Variants in DHRS4L2 observed in about 807,000 individuals in gnomAD.
The protein encoded by DHRS4L2 is dehydrogenase/reductase SDR family member 4-like 2.
In DHRS4L2, 22 loss-of-function variants were observed where a neutral mutation model predicts 23.9. The observed-to-expected ratio is 0.92, with a 90% CI of 0.66 to 1.31. The LOEUF is 1.31. Among genes scored for constraint, DHRS4L2 ranks in the 40% most tolerant of loss-of-function variants. The probability of loss-of-function intolerance (pLI) is 0.00; values close to 1 mark genes in which losing one functional copy is unlikely to be tolerated. For missense variants in DHRS4L2, 385 were observed against 303.3 expected (o/e 1.27, Z -2.00); for synonymous variants, 141 against 123.7 (o/e 1.14, Z -0.93).
At position 23,972,142 on chromosome 14, in the gene DHRS4L2, G is replaced by A. The variant is rs140555597; in HGVS notation, c.-176+1810G>A. 2.6e-5 allele frequency among the ~76,000 whole-genome samples: 4 copies of A among 152,176 alleles called. No individual in the cohort carries two copies. The East Asian group carries it at 7.7e-4, about 29-fold the overall frequency. ...ATGAAGGTATGTCTGGAATTGGTGG[G>A]TTCTTGGTCTCACTGACTTCAAGAA... is the stretch of plus-strand genomic sequence containing the variant. On this transcript the variant is annotated intron_variant, in intron 1 of 5. Coordinates refer to the DHRS4L2 transcript ENST00000534993.
At chr14:23,992,154 G>C (rs55664822) in intron 2 of DHRS4L2, among the ~76,000 whole-genome samples, 3,379 of 151,724 alleles carry the variant, frequency 0.022, 112 homozygotes, top group Middle Eastern at 0.055. Context: ...GAGAAAGATG[G>C]TTATTAGGAA....
chr14:23,996,577 G>A (rs1333770026), intron 3 of DHRS4L2, among the ~76,000 whole-genome samples: 1 of 150,152 alleles, frequency 6.7e-6, no homozygotes, highest in African/African-American at 2.4e-5. Context: ...ACTACCCAGA[G>A]ATTTGCTGCT....
At chr14:23,976,164 A>G (rs1052100362) in intron 1 of DHRS4L2, among the ~76,000 whole-genome samples, 4 of 151,882 alleles carry the variant, frequency 2.6e-5, no homozygotes, top group African/African-American at 7.3e-5. Flanking sequence ...ATCAGAGTGA[A>G]AAGGCAACCT....
intron 1 of DHRS4L2, among the ~76,000 whole-genome samples, chr14:23,989,592 G>C (rs61999797): frequency 0.022 from 3,379 of 151,522 alleles, 115 homozygotes; most frequent in Middle Eastern, 0.054. Flanking sequence ...CACCTCTCTT[G>C]TCAGTCCTGG....
At chr14:23,975,866 C>A (rs1350655200) in intron 1 of DHRS4L2, among the ~76,000 whole-genome samples, 2 of 151,686 alleles carry the variant, frequency 1.3e-5, no homozygotes, top group Non-Finnish European at 2.9e-5. Flanking sequence ...AAAGGATTCC[C>A]TATTTAATAA....
At chr14:23,973,216 A>G (rs1327004960) in intron 1 of DHRS4L2, among the ~76,000 whole-genome samples, 1 of 151,894 alleles carries the variant, frequency 6.6e-6, no homozygotes, top group Non-Finnish European at 1.5e-5. Context: ...AGACTATCAC[A>G]TGGGGAGAAA....
At chr14:23,997,715 G>A (rs2034409179) in intron 3 of DHRS4L2, among the ~76,000 whole-genome samples, 1 of 150,400 alleles carries the variant, frequency 6.6e-6, no homozygotes, top group Middle Eastern at 3.4e-3. Context: ...TCCGCTTCTA[G>A]TTCTCTTGCT....
chr14:24,001,178 G>C (rs2034481012), intron 5 of DHRS4L2, 94 bp downstream of exon 5: 2 of 1,604,616 alleles, frequency 1.2e-6, no homozygotes, highest in East Asian at 2.2e-5. Context: ...TCCCCTTGTA[G>C]AATCACACCA....
chr14:23,996,523 A>G (rs2034385428), intron 3 of DHRS4L2, among the ~76,000 whole-genome samples: 1 of 150,856 alleles, frequency 6.6e-6, no homozygotes, highest in African/African-American at 2.4e-5. Context: ...CTTAGGAACT[A>G]TCATCAAAAT....
At chr14:23,997,805 T>G (rs2034411025) in intron 3 of DHRS4L2, among the ~76,000 whole-genome samples, 1 of 151,716 alleles carries the variant, frequency 6.6e-6, no homozygotes, top group Admixed American at 6.6e-5. Context: ...GGAATCAACT[T>G]CTTCCAGACT....
intron 3 of DHRS4L2, among the ~76,000 whole-genome samples, chr14:23,996,529 A>G (rs201334476): frequency 0.21 from 27,915 of 134,604 alleles, 13 homozygotes; most frequent in African/African-American, 0.42. Context: ...AACTATCATC[A>G]AAATAACTTC....
intron 2 of DHRS4L2, among the ~76,000 whole-genome samples, chr14:23,992,502 A>G (rs1195902103): frequency 1.3e-5 from 2 of 151,358 alleles, no homozygotes; most frequent in African/African-American, 2.4e-5. Context: ...GATACTACCC[A>G]GTGGCCTCCT....
upstream of DHRS4L2, chr14:23,987,250 C>T (rs1437095571): frequency 3.5e-5 from 12 of 339,418 alleles, 1 homozygote; most frequent in Non-Finnish European, 5.9e-5. Context: ...CCTGCCTCAG[C>T]CTCCCGAGTA....
rs113351006 is a variant in DHRS4L2 at position 23,989,074 on chromosome 14, G to T, written c.127G>T (p.Gly43Trp). The change falls in exon 1 of 8, where the codon GGG (glycine) becomes TGG (tryptophan). Residue 43 changes from glycine to tryptophan, a missense_variant and splice_region_variant. Coordinates refer to ENST00000335125, the MANE Select transcript of DHRS4L2 (RefSeq NM_198083.4). ...GGCCCTGGTAACGGCCTCCACCGAC[G>T]GGTGAGTGTTGGTGCCGGAGTTTCT... ...KVALVTASTD[G>W]IGFAIARRLA... 6,142 of 1,568,946 alleles carry T rather than the reference G, an allele frequency of 3.9e-3. 257 individuals are homozygous for T. In the African/African-American group the frequency reaches 0.071, roughly 18 times the overall value.
intron 1 of DHRS4L2, among the ~76,000 whole-genome samples, chr14:23,977,184 C>T (rs1334744553): frequency 6.6e-6 from 1 of 151,888 alleles, no homozygotes; most frequent in Non-Finnish European, 1.5e-5. Flanking sequence ...TATCAGTCAG[C>T]CTCTGGCACC....
upstream of DHRS4L2, chr14:23,987,191 C>T (rs1355121197): frequency 2.3e-5 from 8 of 344,978 alleles, no homozygotes; most frequent in Admixed American, 3.7e-5. Flanking sequence ...AGTGCAGTGG[C>T]GTGATCTTGG....
upstream of DHRS4L2, among the ~76,000 whole-genome samples, chr14:23,987,656 AC>A (rs1311257829): frequency 6.6e-6 from 1 of 151,716 alleles, no homozygotes; most frequent in Non-Finnish European, 1.5e-5. Context: ...CTGAAACAAA[AC>A]ACTAACACAC....
intron 6 of DHRS4L2, among the ~76,000 whole-genome samples, chr14:24,001,957 C>CTTTTTTTTTTTTTTTTTTTTTTTTTT (rs762131811): frequency 7.3e-4 from 4 of 5,516 alleles, no homozygotes; most frequent in Non-Finnish European, 8.9e-4. Context: ...CTTTCCTCTT[C>CTTTTTTTTTTTTTTTTTTTTTTTTTT]TTTTTTTTTT....
At chr14:23,987,471 AT>A (rs2034174904), upstream of DHRS4L2, among the ~76,000 whole-genome samples, 1 of 151,558 alleles carries the variant, frequency 6.6e-6, no homozygotes, top group African/African-American at 2.4e-5. Flanking sequence ...ACCTGCACAT[AT>A]ACTAAATGAA....
Sources: gnomAD v4.1 joint callset for allele counts (sites outside exome capture counted in the v4.1 genomes callset) on GRCh38, gnomAD v4.1.1 for gene constraint, MANE v1.5 for transcripts, NCBI Gene and HGNC (gene_info 2026-07-23, HGNC 2026-07-21) for gene names.